GRIK4: variants seen among roughly 807,000 people sequenced by gnomAD.
GRIK4 encodes the protein glutamate ionotropic receptor kainate type subunit 4.
Under a neutral mutation model 104.9 loss-of-function variants are expected in GRIK4, and 40 were observed. That is an observed-to-expected ratio of 0.38 (90% CI 0.30 to 0.50). GRIK4 has a LOEUF of 0.50. Ranked by LOEUF, GRIK4 falls within the 20% of genes least tolerant of loss-of-function variation. The pLI is 0.93. For synonymous variants in GRIK4, 485 were observed against 524.9 expected (o/e 0.92, Z 1.04); for missense variants, 1,047 against 1,308.1 (o/e 0.80, Z 3.08).
chr11:120,629,013 G>A (rs1355359348), intron 1 of GRIK4, among the ~76,000 whole-genome samples: 1 of 152,208 alleles, frequency 6.6e-6, no homozygotes, highest in African/African-American at 2.4e-5. Context: ...TCACCACCGA[G>A]CAAGGCGGCA....
At chr11:120,783,070 A>G (rs564416430) in intron 3 of GRIK4, among the ~76,000 whole-genome samples, 2 of 152,308 alleles carry the variant, frequency 1.3e-5, no homozygotes, top group South Asian at 2.1e-4. Context: ...TTGAAAAGAG[A>G]CACATTCAAA....
At chr11:120,669,588 C>T (rs1339103152) in intron 3 of GRIK4, among the ~76,000 whole-genome samples, 2 of 152,216 alleles carry the variant, frequency 1.3e-5, no homozygotes, top group Non-Finnish European at 2.9e-5. Flanking sequence ...GTGATCTGTC[C>T]CCAGGCCCCA....
chr11:120,635,835 T>C (rs1949390406), intron 1 of GRIK4, among the ~76,000 whole-genome samples: 1 of 152,220 alleles, frequency 6.6e-6, no homozygotes, highest in Non-Finnish European at 1.5e-5. Context: ...GCACAAATCA[T>C]AAGTGTATGG....
chr11:120,772,550 T>C (rs1242700647), intron 3 of GRIK4, among the ~76,000 whole-genome samples: 1 of 152,186 alleles, frequency 6.6e-6, no homozygotes, highest in Non-Finnish European at 1.5e-5. Flanking sequence ...AAACAGTGGC[T>C]TAGTGCCTTC....
At chr11:120,962,927 A>G (rs966639378) in intron 18 of GRIK4, 1 of 402,652 alleles carries the variant, frequency 2.5e-6, no homozygotes. Flanking sequence ...CTGATTGATT[A>G]ATTGACTAAT....
At chr11:120,672,679 C>A (rs376717154) in intron 3 of GRIK4, among the ~76,000 whole-genome samples, 1 of 152,084 alleles carries the variant, frequency 6.6e-6, no homozygotes, top group Non-Finnish European at 1.5e-5. Flanking sequence ...GTATTTTATT[C>A]TCTTTGTAGC....
chr11:120,745,239 T>G (rs1264638005), intron 3 of GRIK4, among the ~76,000 whole-genome samples: 1 of 152,190 alleles, frequency 6.6e-6, no homozygotes, highest in East Asian at 1.9e-4. Flanking sequence ...TACTCCTGGA[T>G]CCTGTGATTC....
chr11:120,860,838 T>C (rs1461603622), intron 8 of GRIK4, among the ~76,000 whole-genome samples: 1 of 152,162 alleles, frequency 6.6e-6, no homozygotes, highest in African/African-American at 2.4e-5. Context: ...CCACTGACAG[T>C]TCCCCTGGGT....
chr11:120,521,256 G>T (rs1021158771), intron 1 of GRIK4, among the ~76,000 whole-genome samples: 2 of 151,904 alleles, frequency 1.3e-5, no homozygotes, highest in Non-Finnish European at 2.9e-5. Context: ...GATTTTTTGT[G>T]GAGATGGAGT....
intron 3 of GRIK4, among the ~76,000 whole-genome samples, chr11:120,700,949 ATACT>A (rs1044745596): frequency 6.6e-6 from 1 of 152,190 alleles, no homozygotes; most frequent in African/African-American, 2.4e-5. Context: ...ATATACACAG[ATACT>A]TACCACTGTA....
In GRIK4 at chr11:120,830,090, A is replaced by G. The variant is rs548625421; in HGVS notation, c.512-1762A>G. On this transcript the variant is annotated intron_variant, in intron 6 of 20. Transcript: ENST00000527524. ...GCTCCCTAGAAAGCCTTCTCAAAAC[A>G]GGTGACAGGAAGACGGGTTGGCAGC... Among the ~76,000 whole-genome samples the G allele has an allele frequency of 2.7e-4, 41 of 151,998 alleles. No homozygotes were observed. The South Asian group carries it at 8.3e-3, about 31-fold the overall frequency.
chr11:120,923,532 C>T (rs1943271387), intron 13 of GRIK4, among the ~76,000 whole-genome samples: 1 of 151,324 alleles, frequency 6.6e-6, no homozygotes, highest in East Asian at 2.0e-4. Context: ...CCTGCCTCAG[C>T]CTCCTGAGTA....
In GRIK4 at chr11:120,910,584, G is replaced by A. The variant is rs148128315; in HGVS notation, c.1476+5091G>A. Among the ~76,000 whole-genome samples the A allele has an allele frequency of 8.6e-4, 131 of 152,364 alleles. 1 individual carries two copies. The highest frequency in any genetic ancestry group is 2.9e-3 in the African/African-American group (122 of 41,582). On this transcript the variant is annotated intron_variant, in intron 13 of 20. Transcript: ENST00000527524. ...CTGGAGGTGTGCTTGGCAGAGAGGA[G>A]ACAGACTGGAGTAGCTTGAAGAAGC...
In GRIK4 at chr11:120,882,809, G is replaced by A. The variant is rs73584436; in HGVS notation, c.1164+7566G>A. On this transcript the variant is annotated intron_variant, in intron 11 of 20. Transcript: ENST00000527524. ...TTCAGGATGACAGGTGCTGGGTGCTGCATACCTTTGAGTCCCCTCGTCTGC... is the reference window on the plus strand; with the variant it reads ...TTCAGGATGACAGGTGCTGGGTGCTACATACCTTTGAGTCCCCTCGTCTGC... Among the ~76,000 whole-genome samples, 1,237 of 152,230 alleles carry A rather than the reference G, an allele frequency of 8.1e-3. 17 individuals carry two copies. Among genetic ancestry groups the A allele is most frequent in the African/African-American group, 0.028 (1,169 of 41,522 alleles).
chr11:120,951,178 G>A (rs1291553445), intron 14 of GRIK4, among the ~76,000 whole-genome samples: 1 of 152,176 alleles, frequency 6.6e-6, no homozygotes, highest in Non-Finnish European at 1.5e-5. Context: ...CCTCCAAAGA[G>A]GAAAGTAAAA....
intron 8 of GRIK4, among the ~76,000 whole-genome samples, chr11:120,851,916 T>G (rs1016738173): frequency 1.3e-5 from 2 of 152,168 alleles, no homozygotes; most frequent in Non-Finnish European, 2.9e-5. Flanking sequence ...ATGGTGGAGC[T>G]GGGGGTGCCT....
At chr11:120,867,948 G>A (rs1259316865) in intron 9 of GRIK4, 1 of 152,168 alleles carries the variant, frequency 6.6e-6, no homozygotes, top group South Asian at 2.1e-4. Flanking sequence ...GTAATTAAGT[G>A]TTTATTTCAT....
chr11:120,660,282 C>T lies in GRIK4; in HGVS notation c.-37C>T. 6.6e-7 allele frequency: 1 copy of T among 1,505,008 alleles called. No individual in the cohort carries two copies. Among genetic ancestry groups the T allele is most frequent in the Non-Finnish European group, 9.2e-7 (1 of 1,082,740 alleles). 93.2% of individuals were successfully genotyped at this position (1,505,008 alleles called of 1,614,324 possible). ...CCTCTCTCGCAGAGTTATGTCATGC[C>T]CAGGCCAGCAGGGGGCTCCATGAGG... On this transcript the variant is annotated 5_prime_UTR_variant, in exon 3 of 21. Coordinates refer to ENST00000527524, the MANE Select transcript of GRIK4 (RefSeq NM_014619.5).
chr11:120,769,689 C>G (rs1480351189), intron 3 of GRIK4, among the ~76,000 whole-genome samples: 1 of 152,180 alleles, frequency 6.6e-6, no homozygotes, highest in East Asian at 1.9e-4. Context: ...GAGCTCATTC[C>G]TGGAGCGTGG....
Sources: gnomAD v4.1 joint callset for allele counts (sites outside exome capture counted in the v4.1 genomes callset) on GRCh38, gnomAD v4.1.1 for gene constraint, MANE v1.5 for transcripts, NCBI Gene and HGNC (gene_info 2026-07-23, HGNC 2026-07-21) for gene names.